WHAMM: variants seen among roughly 807,000 people sequenced by gnomAD.
WHAMM encodes the protein WASP homolog associated with actin, golgi membranes and microtubules.
WHAMM carries 67 observed loss-of-function variants against 76.5 expected under a neutral mutation model. That is an observed-to-expected ratio of 0.88 (90% CI 0.72 to 1.07). The LOEUF (loss-of-function observed/expected upper bound fraction) is 1.07. Ranked by LOEUF, WHAMM falls within the 50% of genes least tolerant of loss-of-function variation. The pLI is 0.00. For synonymous variants in WHAMM, 419 were observed against 422.1 expected (o/e 0.99, Z 0.09); for missense variants, 1,021 against 1,051.1 (o/e 0.97, Z 0.40).
chr15:82,810,489 C>A (rs1401214881), intron 1 of WHAMM, 154 bp downstream of exon 1: 2 of 985,296 alleles, frequency 2.0e-6, no homozygotes, highest in African/African-American at 3.5e-5. Flanking sequence ...GTCACCTGCG[C>A]GGGACCGCTG....
chr15:82,810,512 G>A (rs1324241281), intron 1 of WHAMM, 177 bp downstream of exon 1: 1 of 985,438 alleles, frequency 1.0e-6, no homozygotes, highest in East Asian at 1.1e-4. Context: ...GGAAACCGGC[G>A]GGAGCTGCGG....
At position 82,819,324 on chromosome 15, in the gene WHAMM, T is replaced by C. The variant is rs1246393496; in HGVS notation, c.1106T>C (p.Met369Thr). The C allele has an allele frequency of 9.3e-7, 1 of 1,072,654 alleles. No individual in the cohort carries two copies. The allele number at this position is 1,072,654 out of a possible 1,614,324, so 66.4% of individuals were successfully genotyped here. A position where few individuals can be genotyped will look rare whatever the true frequency, so the allele number is the denominator to read the frequency against. The change falls in exon 5 of 10, where the codon ATG becomes ACG. Residue 369 changes from methionine to threonine, a missense_variant and splice_region_variant. Physicochemically the swap from Met to Thr is moderately conservative, Grantham distance 81 (BLOSUM62 -1). Around this residue, in one of 3 missense-constraint regions of WHAMM, gnomAD observed 501 missense variants for 524.9 expected, o/e 0.95. Coordinates refer to ENST00000286760, the MANE Select transcript of WHAMM (RefSeq NM_001080435.3). Reference sequence around the variant, plus strand: ...TTTTCTTTTTTCTATGAAAATAAGATGGAAGATCTTCCAGAACAAGAAAAA... The same window carrying C: ...TTTTCTTTTTTCTATGAAAATAAGACGGAAGATCTTCCAGAACAAGAAAAA... ...NHKRAEIQGKMEDLPEQEKNT... is the reference protein window; with the variant it reads ...NHKRAEIQGKTEDLPEQEKNT...
intron 1 of WHAMM, 160 bp downstream of exon 1, chr15:82,810,495 CGCTGCGGGAAACCGGCGGGA>C: frequency 2.0e-6 from 2 of 985,414 alleles, no homozygotes; most frequent in Non-Finnish European, 1.2e-6. Flanking sequence ...TGCGCGGGAC[CGCTGCGGGAAACCGGCGGGA>C]GCTGCGGGAG....
chr15:82,813,384 CATT>C, intron 2 of WHAMM, 108 bp downstream of exon 2: 7 of 1,080,380 alleles, frequency 6.5e-6, no homozygotes, highest in Non-Finnish European at 8.9e-6. Flanking sequence ...TTGGGTTTAC[CATT>C]ATGTTTATTT....
Position 82,829,148 on chromosome 15 carries a change from C to A in WHAMM, c.1642-1451C>A, listed in dbSNP as rs571047458. On this transcript the variant is annotated intron_variant, in intron 8 of 9. Transcript: ENST00000286760. The stretch of plus-strand genomic sequence containing the variant: ...GTACAAGGTAAAGGATTTAATTTAT[C>A]ATGCGTGGACAGGCTGTATGTGCAA... Among the ~76,000 whole-genome samples the A allele has an allele frequency of 3.9e-5, 6 of 152,310 alleles. No homozygotes were observed. In the South Asian group the frequency reaches 1.2e-3, roughly 32 times the overall value.
intron 8 of WHAMM, among the ~76,000 whole-genome samples, 196 bp downstream of exon 8, chr15:82,827,042 A>G (rs2050947998): frequency 6.6e-6 from 1 of 152,236 alleles, no homozygotes; most frequent in South Asian, 2.1e-4. Flanking sequence ...ATGATACAAA[A>G]TAACTGCTGT....
At chr15:82,823,387 G>A in intron 6 of WHAMM, 100 bp downstream of exon 6, 4 of 1,083,656 alleles carry the variant, frequency 3.7e-6, no homozygotes, top group Non-Finnish European at 4.8e-6. Flanking sequence ...CCAACACAGT[G>A]ATTACATTTT....
chr15:82,812,816 A>C (rs1242545306), intron 1 of WHAMM, among the ~76,000 whole-genome samples: 2 of 152,174 alleles, frequency 1.3e-5, no homozygotes, highest in African/African-American at 4.8e-5. Context: ...GGTGTGAGCC[A>C]CCATGCCTGG....
chr15:82,822,799 A>G (rs1415699052), intron 5 of WHAMM, among the ~76,000 whole-genome samples: 1 of 150,308 alleles, frequency 6.7e-6, no homozygotes, highest in Non-Finnish European at 1.5e-5. Flanking sequence ...ATGTGTAGCT[A>G]TGTAAGTAGT....
intron 3 of WHAMM, among the ~76,000 whole-genome samples, chr15:82,817,644 A>T (rs1167674264): frequency 1.3e-5 from 2 of 152,238 alleles, no homozygotes; most frequent in Non-Finnish European, 2.9e-5. Flanking sequence ...GTCTAGCTAG[A>T]CATAGAAACA....
intron 5 of WHAMM, among the ~76,000 whole-genome samples, chr15:82,820,298 T>C (rs2050797537): frequency 6.6e-6 from 1 of 152,168 alleles, no homozygotes; most frequent in Non-Finnish European, 1.5e-5. Flanking sequence ...ATAATAAAAG[T>C]ATCAAAATTT....
At chr15:82,816,924 C>A in intron 3 of WHAMM, 82 bp downstream of exon 3, 1 of 1,349,726 alleles carries the variant, frequency 7.4e-7, no homozygotes, top group Admixed American at 2.3e-5. Context: ...CCCTCTTACG[C>A]ACTAGGTACT....
chr15:82,812,768 G>A (rs550776482), intron 1 of WHAMM, among the ~76,000 whole-genome samples: 5 of 150,758 alleles, frequency 3.3e-5, no homozygotes, highest in South Asian at 2.1e-4. Flanking sequence ...AGGTTCAAGC[G>A]ATTCTCTGCC....
Position 82,833,226 on chromosome 15 carries a change from C to A in WHAMM, c.2123-3C>A, listed in dbSNP as rs777677977. 1 of 1,612,470 alleles carries A rather than the reference C, an allele frequency of 6.2e-7. No individual in the cohort carries two copies. Among genetic ancestry groups the A allele is most frequent in the Non-Finnish European group, 8.5e-7 (1 of 1,179,022 alleles). ...AGTACTAGCTCTGCTTATTCAATTT[C>A]AGGATCTATGGATGAAGTGTTGGCC... is the stretch of plus-strand genomic sequence containing the variant. On this transcript the variant is annotated splice_region_variant and splice_polypyrimidine_tract_variant and intron_variant, in intron 9 of 9. Transcript: ENST00000286760.
rs533603676 is a variant in WHAMM at position 82,823,521 on chromosome 15, A to C, written c.1458+234A>C. Among the ~76,000 whole-genome samples, 3 of 152,196 alleles carry C rather than the reference A, an allele frequency of 2.0e-5. No individual in the cohort carries two copies. In the South Asian group the frequency reaches 6.2e-4, roughly 32 times the overall value. ...CTCAAGGTTTTAATTTATTCATTCA[A>C]CAACTATTTGTTGAATGCCCATTGC... On this transcript the variant is annotated intron_variant, in intron 6 of 9. Transcript: ENST00000286760.
At chr15:82,821,834 A>G (rs1370821121) in intron 5 of WHAMM, among the ~76,000 whole-genome samples, 5 of 152,214 alleles carry the variant, frequency 3.3e-5, no homozygotes, top group Non-Finnish European at 7.3e-5. Flanking sequence ...CCTACCCAAG[A>G]ACATGGTATG....
Position 82,813,161 on chromosome 15 carries a change from A to G in WHAMM, c.668A>G (p.Glu223Gly), listed in dbSNP as rs1194442664. The G allele has an allele frequency of 1.9e-6, 3 of 1,612,416 alleles. No homozygotes were observed. In the South Asian group the frequency reaches 3.3e-5, roughly 18 times the overall value. ...GTAGCATTAATGAACGTTTACCAAG[A>G]GGAAGATGAAGCATACCAGGAATTG... ...TMVALMNVYQEEDEAYQELVT... is the reference protein window; with the variant it reads ...TMVALMNVYQGEDEAYQELVT... Residue 223 changes from glutamate (E) to glycine (G), a missense_variant, in exon 2 of 10, where the codon GAG becomes GGG. This residue lies in a region of WHAMM where 501 missense variants were observed against 524.9 expected (regional missense o/e 0.95). Transcript: ENST00000286760.
Position 82,809,732 on chromosome 15 carries a change from GGACGA to G in WHAMM, c.8_12del (p.Asp3AlafsTer3). 6.6e-7 allele frequency: 1 copy of G among 1,520,352 alleles called. No homozygotes were observed. Among genetic ancestry groups the G allele is most frequent in the African/African-American group, 1.4e-5 (1 of 72,130 alleles). The allele number at this position is 1,520,352 out of a possible 1,614,324, so 94.2% of individuals were successfully genotyped here. ...GGCCGCTGCTGCCGACAGCCATGGAGGACGAGCAGCCTGACAGCCTGGAGGGCTGG... is the reference window on the plus strand; with the variant it reads ...GGCCGCTGCTGCCGACAGCCATGGAGGCAGCCTGACAGCCTGGAGGGCTGG... On this transcript the variant is annotated frameshift_variant, in exon 1 of 10. Coordinates refer to ENST00000286760, the MANE Select transcript of WHAMM (RefSeq NM_001080435.3). LOFTEE classifies it high-confidence loss of function.
Position 82,809,975 on chromosome 15 carries a change from G to T in WHAMM, c.249G>T (p.Ser83=). 7.7e-7 allele frequency: 1 copy of T among 1,304,436 alleles called. No homozygotes were observed. Among genetic ancestry groups the T allele is most frequent in the East Asian group, 3.1e-5 (1 of 31,876 alleles). The allele number at this position is 1,304,436 out of a possible 1,614,324, so 80.8% of individuals were successfully genotyped here. The part of the protein sequence containing the change: ...VSPSSWAGLL[S]AAGLRGAHRQ... ...CGTCCAGCTGGGCCGGCCTGCTCTC[G>T]GCCGCGGGGCTCCGCGGCGCGCACC... Residue 83 remains serine, a synonymous_variant, in exon 1 of 10, where the codon TCG becomes TCT. Coordinates refer to ENST00000286760, the MANE Select transcript of WHAMM (RefSeq NM_001080435.3).
Sources: gnomAD v4.1 joint callset for allele counts (sites outside exome capture counted in the v4.1 genomes callset) on GRCh38, gnomAD v4.1.1 for gene constraint, gnomAD v4.1.1 regional missense constraint, MANE v1.5 for transcripts, NCBI Gene and HGNC (gene_info 2026-07-23, HGNC 2026-07-21) for gene names.